The following BABAM2 variants were observed in gnomAD, a reference collection of about 807,000 sequenced individuals.
The protein encoded by BABAM2 is BRISC and BRCA1 A complex member 2.
Under a neutral mutation model 54.7 loss-of-function variants are expected in BABAM2, and 31 were observed. The observed-to-expected ratio is 0.57, with a 90% CI of 0.43 to 0.77. BABAM2 has a LOEUF of 0.77. Among genes scored for constraint, BABAM2 ranks in the 30% least tolerant of loss-of-function variants. BABAM2 has a pLI of 0.00. For missense variants in BABAM2, 364 were observed against 455.8 expected, an observed-to-expected ratio of 0.80 and a Z score of 1.83; for synonymous variants, 167 against 162.9, an observed-to-expected ratio of 1.03 and a Z score of -0.19.
At chr2:27,947,989 T>C (rs1298240511) in intron 3 of BABAM2, among the ~76,000 whole-genome samples, 2 of 152,132 alleles carry the variant, frequency 1.3e-5, no homozygotes, top group Non-Finnish European at 1.5e-5. Flanking sequence ...TTGATTGCTG[T>C]AGTTTGATAG....
Position 28,026,388 on chromosome 2 carries a change from A to G in BABAM2, c.495+968A>G, listed in dbSNP as rs188036454. Among the ~76,000 whole-genome samples the G allele has an allele frequency of 4.1e-3, 631 of 152,240 alleles. 4 individuals carry two copies. Among genetic ancestry groups the G allele is most frequent in the African/African-American group, 0.014 (576 of 41,544 alleles). On this transcript the variant is annotated intron_variant, in intron 5 of 11. Coordinates refer to ENST00000379624, the MANE Select transcript of BABAM2 (RefSeq NM_199191.3). ...AAAATGTGGCACATATACACCCTGG[A>G]ATACTATGCAGCCATAAAAAAGGAT...
At chr2:28,096,724 C>T (rs1382214930) in intron 6 of BABAM2, among the ~76,000 whole-genome samples, 1 of 151,652 alleles carries the variant, frequency 6.6e-6, no homozygotes, top group Non-Finnish European at 1.5e-5. Context: ...TTCTTACCCT[C>T]CCCCACTCCC....
chr2:28,194,910 G>T (rs1677352742), intron 7 of BABAM2, among the ~76,000 whole-genome samples: 1 of 152,076 alleles, frequency 6.6e-6, no homozygotes, highest in Admixed American at 6.5e-5. Context: ...TGGCCAGCCT[G>T]GTCTTGAATT....
intron 4 of BABAM2, among the ~76,000 whole-genome samples, chr2:28,010,005 C>T (rs902772891): frequency 1.3e-5 from 2 of 152,120 alleles, no homozygotes; most frequent in African/African-American, 4.8e-5. Flanking sequence ...GTGAAGGCCT[C>T]CTGTCTAAGC....
intron 6 of BABAM2, among the ~76,000 whole-genome samples, chr2:28,065,438 G>A (rs1309935062): frequency 6.6e-6 from 1 of 152,092 alleles, no homozygotes; most frequent in Non-Finnish European, 1.5e-5. Context: ...GCCACTCCTT[G>A]GGTTGTGGTT....
chr2:28,237,953 G>T (rs566015602), intron 8 of BABAM2, among the ~76,000 whole-genome samples: 1 of 152,004 alleles, frequency 6.6e-6, no homozygotes, highest in Admixed American at 6.6e-5. Flanking sequence ...GGGTTCAAGC[G>T]ATTCTCCTGC....
At chr2:28,317,827 C>A (rs1037206426) in intron 11 of BABAM2, among the ~76,000 whole-genome samples, 5 of 152,164 alleles carry the variant, frequency 3.3e-5, no homozygotes, top group African/African-American at 1.2e-4. Context: ...CTTTTCCCAG[C>A]CTTTTCTTCA....
chr2:28,327,682 C>T (rs1394588698), intron 11 of BABAM2, among the ~76,000 whole-genome samples: 1 of 152,160 alleles, frequency 6.6e-6, no homozygotes, highest in Non-Finnish European at 1.5e-5. Flanking sequence ...AGACATAGCC[C>T]AGCCTGAGGT....
At chr2:27,939,804 A>G (rs1314212803) in intron 3 of BABAM2, among the ~76,000 whole-genome samples, 1 of 152,192 alleles carries the variant, frequency 6.6e-6, no homozygotes, top group Non-Finnish European at 1.5e-5. Context: ...AGTAAAGGAA[A>G]CTGCAGTTAA....
At chr2:28,202,555 G>A (rs1678393762) in intron 7 of BABAM2, among the ~76,000 whole-genome samples, 1 of 152,058 alleles carries the variant, frequency 6.6e-6, no homozygotes, top group South Asian at 2.1e-4. Context: ...GAAACAGCTG[G>A]GTAAATTGGA....
chr2:28,259,111 C>G (rs1406294198), intron 10 of BABAM2, among the ~76,000 whole-genome samples: 1 of 45,910 alleles, frequency 2.2e-5, no homozygotes, highest in Non-Finnish European at 3.7e-5. Context: ...TTTTTTCAGA[C>G]TGAGTCTTGC....
At chr2:28,148,634 G>A (rs985660118) in intron 7 of BABAM2, among the ~76,000 whole-genome samples, 2 of 152,158 alleles carry the variant, frequency 1.3e-5, no homozygotes, top group African/African-American at 4.8e-5. Flanking sequence ...CAGCAGATTG[G>A]ACCTGCTCAG....
At chr2:28,253,742 C>T (rs914398012) in intron 10 of BABAM2, among the ~76,000 whole-genome samples, 1 of 152,198 alleles carries the variant, frequency 6.6e-6, no homozygotes, top group Non-Finnish European at 1.5e-5. Context: ...TCAGTGTCTG[C>T]AGCCATGCAC....
chr2:28,137,924 T>TA (rs748334752), intron 7 of BABAM2, among the ~76,000 whole-genome samples: 31 of 152,208 alleles, frequency 2.0e-4, no homozygotes, highest in Non-Finnish European at 4.1e-4. Context: ...AGCTATAAGA[T>TA]ATACTATATC....
intron 3 of BABAM2, among the ~76,000 whole-genome samples, chr2:27,957,680 A>G (rs749650536): frequency 3.3e-5 from 5 of 152,214 alleles, no homozygotes; most frequent in Non-Finnish European, 7.3e-5. Context: ...TTTTCCAAAG[A>G]TGGCCACAAC....
chr2:28,046,061 TTAA>T (rs1452930512), intron 6 of BABAM2, among the ~76,000 whole-genome samples: 1 of 152,238 alleles, frequency 6.6e-6, no homozygotes, highest in Non-Finnish European at 1.5e-5. Context: ...TCGCTTTTAT[TTAA>T]TAATGTTACT....
At chr2:27,967,006 G>A (rs2148442491) in intron 3 of BABAM2, among the ~76,000 whole-genome samples, 1 of 152,232 alleles carries the variant, frequency 6.6e-6, no homozygotes, top group Admixed American at 6.5e-5. Flanking sequence ...TCAGAGATAT[G>A]ATTTTATAAA....
intron 6 of BABAM2, among the ~76,000 whole-genome samples, chr2:28,065,856 T>C (rs1325771587): frequency 6.6e-6 from 1 of 151,756 alleles, no homozygotes; most frequent in Non-Finnish European, 1.5e-5. Context: ...TTTATTGAAC[T>C]GTGGCTGGGT....
chr2:28,327,135 C>A, intron 11 of BABAM2: 1 of 895,342 alleles, frequency 1.1e-6, no homozygotes, highest in Non-Finnish European at 1.7e-6. Context: ...TGCGTGCATA[C>A]ATCTGTGATG....
Sources: allele counts gnomAD v4.1 joint callset (sites outside exome capture counted in the v4.1 genomes callset), GRCh38; gene constraint gnomAD v4.1.1; transcripts MANE v1.5; gene names NCBI Gene and HGNC (gene_info 2026-07-23, HGNC 2026-07-21).